Variants in TOM1L2 observed in about 807,000 individuals in gnomAD.
TOM1L2 encodes the protein target of myb1 like 2 membrane trafficking protein, also known as TOM1-like protein 2.
In TOM1L2, 31 loss-of-function variants were observed where a neutral mutation model predicts 67.9. The ratio of observed to expected loss-of-function variants is 0.46; its 90% confidence interval spans 0.34 to 0.62. TOM1L2 has a LOEUF of 0.62. TOM1L2 is among the 20% of genes least tolerant of loss of function. The pLI, the probability that TOM1L2 is intolerant of heterozygous loss-of-function variation, is 0.01. For missense variants in TOM1L2, 606 were observed against 663.5 expected (o/e 0.91, Z 0.95); for synonymous variants, 256 against 254.0 (o/e 1.01, Z -0.07).
intron 1 of TOM1L2, among the ~76,000 whole-genome samples, chr17:17,922,167 G>A (rs1003789552): frequency 6.6e-6 from 1 of 152,214 alleles, no homozygotes; most frequent in African/African-American, 2.4e-5. Flanking sequence ...AGGACACAGG[G>A]CACAGACCTG....
At position 17,955,178 on chromosome 17, in the gene TOM1L2, A is replaced by C. The variant is rs2041377517; in HGVS notation, c.52+17084T>G. Among the ~76,000 whole-genome samples the C allele has an allele frequency of 2.0e-5, 3 of 152,120 alleles. No individual in the cohort carries two copies. The South Asian group carries it at 6.2e-4, about 32-fold the overall frequency. Reference sequence around the variant, plus strand: ...TGTGACACCAACAATTATAGAAACAAACTCAACCTAGAATCTGGAAATCAA... The same window carrying C: ...TGTGACACCAACAATTATAGAAACACACTCAACCTAGAATCTGGAAATCAA... On this transcript the variant is annotated intron_variant, in intron 1 of 14. Coordinates refer to ENST00000379504, the MANE Select transcript of TOM1L2 (RefSeq NM_001082968.2).
chr17:17,851,029 A>T, intron 12 of TOM1L2, 77 bp from the exon 13 acceptor site: 18 of 1,528,678 alleles, frequency 1.2e-5, no homozygotes, highest in Admixed American at 3.4e-5. Flanking sequence ...GAACAAAGGA[A>T]ATCATCAACA....
At chr17:17,957,001 G>A (rs1017327462) in intron 1 of TOM1L2, among the ~76,000 whole-genome samples, 3 of 152,194 alleles carry the variant, frequency 2.0e-5, no homozygotes, top group Admixed American at 1.3e-4. Context: ...AGCGAGCAAC[G>A]GCTGCCAGCA....
chr17:17,910,595 A>G (rs539122003), intron 1 of TOM1L2, among the ~76,000 whole-genome samples: 3 of 152,164 alleles, frequency 2.0e-5, no homozygotes, highest in Non-Finnish European at 4.4e-5. Flanking sequence ...TGTGAGACAG[A>G]GTCTCACTCC....
Position 17,848,869 on chromosome 17 carries a change from G to A in TOM1L2, c.1339-10C>T. 2 of 1,614,148 alleles carry A rather than the reference G, an allele frequency of 1.2e-6. No homozygotes were observed. Among genetic ancestry groups the A allele is most frequent in the Non-Finnish European group, 1.7e-6 (2 of 1,180,020 alleles). The stretch of plus-strand genomic sequence containing the variant: ...CCAGATCATCACCCTTCTGTGGGAG[G>A]AGCAGAGAAAATGAAATTAGGGCAC... On this transcript the variant is annotated splice_polypyrimidine_tract_variant and intron_variant, in intron 13 of 14. Coordinates refer to ENST00000379504, the MANE Select transcript of TOM1L2 (RefSeq NM_001082968.2).
intron 2 of TOM1L2, among the ~76,000 whole-genome samples, chr17:17,899,686 C>A (rs2038749255): frequency 6.6e-6 from 1 of 152,236 alleles, no homozygotes; most frequent in Non-Finnish European, 1.5e-5. Flanking sequence ...TCTGGGGAGC[C>A]CTCAGTCCGG....
intron 7 of TOM1L2, among the ~76,000 whole-genome samples, chr17:17,875,566 CCTT>C (rs1277220710): frequency 1.3e-5 from 2 of 152,236 alleles, no homozygotes; most frequent in Non-Finnish European, 2.9e-5. Context: ...TCAGCTTTGG[CCTT>C]CTCCCATTTC....
intron 1 of TOM1L2, among the ~76,000 whole-genome samples, chr17:17,918,472 C>A (rs1215302766): frequency 6.6e-6 from 1 of 152,136 alleles, no homozygotes; most frequent in Non-Finnish European, 1.5e-5. Context: ...CAGTCATACA[C>A]CATGAGAGCA....
intron 1 of TOM1L2, among the ~76,000 whole-genome samples, chr17:17,957,827 C>T (rs893426597): frequency 1.3e-5 from 2 of 151,876 alleles, no homozygotes; most frequent in African/African-American, 4.8e-5. Flanking sequence ...CTAGGCCAGG[C>T]GTGGTGGCTC....
At chr17:17,916,749 G>A (rs372356587) in intron 1 of TOM1L2, among the ~76,000 whole-genome samples, 2 of 152,088 alleles carry the variant, frequency 1.3e-5, no homozygotes, top group Admixed American at 6.5e-5. Flanking sequence ...AGGGCCAGGC[G>A]CAGTGGCTCA....
chr17:17,892,483 C>G (rs1028656716), intron 4 of TOM1L2, among the ~76,000 whole-genome samples: 1 of 152,112 alleles, frequency 6.6e-6, no homozygotes, highest in Non-Finnish European at 1.5e-5. Context: ...TGTCTAAAAC[C>G]CAGGTCTGCA....
At chr17:17,964,626 C>T (rs973699211) in intron 1 of TOM1L2, among the ~76,000 whole-genome samples, 15 of 152,254 alleles carry the variant, frequency 9.9e-5, no homozygotes, top group African/African-American at 2.6e-4. Flanking sequence ...GGCACAGTGG[C>T]TGAAACCTAT....
intron 1 of TOM1L2, among the ~76,000 whole-genome samples, chr17:17,946,725 G>C (rs1291035207): frequency 6.6e-6 from 1 of 151,882 alleles, no homozygotes; most frequent in Non-Finnish European, 1.5e-5. Context: ...TCTAAGTATT[G>C]ATCTAATTTT....
intron 12 of TOM1L2, 134 bp from the exon 13 acceptor site, chr17:17,851,086 T>C (rs1568046046): frequency 1.1e-6 from 1 of 934,316 alleles, no homozygotes; most frequent in Non-Finnish European, 1.7e-6. Flanking sequence ...AAAAACACAA[T>C]TGGCACAGCA....
intron 14 of TOM1L2, among the ~76,000 whole-genome samples, chr17:17,848,157 C>A (rs1023697203): frequency 1.3e-5 from 2 of 152,180 alleles, no homozygotes; most frequent in Non-Finnish European, 2.9e-5. Context: ...CCCTTGCCCA[C>A]CAATGGAGGA....
chr17:17,918,481 C>A (rs2039721458), intron 1 of TOM1L2, among the ~76,000 whole-genome samples: 1 of 152,082 alleles, frequency 6.6e-6, no homozygotes, highest in Non-Finnish European at 1.5e-5. Context: ...ACCATGAGAG[C>A]AAACAAAGCT....
At chr17:17,853,966 T>C (rs2036129968) in intron 12 of TOM1L2, among the ~76,000 whole-genome samples, 1 of 152,246 alleles carries the variant, frequency 6.6e-6, no homozygotes. Context: ...TGTTTTCTAA[T>C]TCAGAAACCC....
intron 11 of TOM1L2, 44 bp from the exon 12 acceptor site, chr17:17,861,595 G>A (rs1411443981): frequency 2.6e-6 from 4 of 1,556,332 alleles, no homozygotes; most frequent in Non-Finnish European, 2.7e-6. Context: ...TTTTCCTCCA[G>A]TGGTCATGGA....
intron 1 of TOM1L2, among the ~76,000 whole-genome samples, chr17:17,913,411 C>A (rs1380637875): frequency 6.6e-6 from 1 of 151,920 alleles, no homozygotes; most frequent in Non-Finnish European, 1.5e-5. Flanking sequence ...GGCCATCCTG[C>A]CCCGGCTCTA....
Sources: gnomAD v4.1 joint callset for allele counts (sites outside exome capture counted in the v4.1 genomes callset) on GRCh38, gnomAD v4.1.1 for gene constraint, MANE v1.5 for transcripts, NCBI Gene and HGNC (gene_info 2026-07-23, HGNC 2026-07-21) for gene names.